The following KIAA1217 variants were observed in gnomAD, a reference collection of about 807,000 sequenced individuals.
KIAA1217 encodes the protein sickle tail protein homolog.
Under a neutral mutation model 163.9 loss-of-function variants are expected in KIAA1217, and 88 were observed. The observed-to-expected ratio is 0.54, with a 90% CI of 0.45 to 0.64. KIAA1217 has a LOEUF of 0.64. Among genes scored for constraint, KIAA1217 ranks in the 30% least tolerant of loss-of-function variants. The probability of loss-of-function intolerance (pLI) is 0.00; values close to 1 mark genes in which losing one functional copy is unlikely to be tolerated. For synonymous variants in KIAA1217, 903 were observed against 923.1 expected, an observed-to-expected ratio of 0.98 and a Z score of 0.39; for missense variants, 2,372 against 2,475.0, an observed-to-expected ratio of 0.96 and a Z score of 0.88.
Position 24,524,326 on chromosome 10 carries a change from T to C in KIAA1217, c.2460T>C (p.His820=). The part of the protein sequence containing the change: ...MTDVLTMLRR[H]VTDGLLKGTD... ...CGCTGTGCATGGTTTCTCCTAGACA[T>C]GTCACTGATGGGCTCCTGAAAGGCA... Residue 820 remains histidine, a synonymous_variant, in exon 13 of 21, where the codon CAT becomes CAC. Coordinates refer to ENST00000376454, the MANE Select transcript of KIAA1217 (RefSeq NM_019590.5). The C allele has an allele frequency of 1.2e-6, 2 of 1,608,408 alleles. No individual in the cohort carries two copies. Among genetic ancestry groups the C allele is most frequent in the Non-Finnish European group, 8.5e-7 (1 of 1,175,326 alleles).
intron 2 of KIAA1217, among the ~76,000 whole-genome samples, chr10:24,261,550 C>G (rs1191784766): frequency 6.6e-6 from 1 of 150,834 alleles, no homozygotes; most frequent in Non-Finnish European, 1.5e-5. Context: ...CTCTTGTACT[C>G]TGATTTTTTC....
chr10:23,974,653 GT>G (rs1845462755), intron 1 of KIAA1217, among the ~76,000 whole-genome samples: 1 of 151,896 alleles, frequency 6.6e-6, no homozygotes, highest in Non-Finnish European at 1.5e-5. Flanking sequence ...GACACCTCGT[GT>G]CTGCAAAAAA....
At chr10:24,436,017 C>T (rs149299158) in intron 4 of KIAA1217, among the ~76,000 whole-genome samples, 2,166 of 151,990 alleles carry the variant, frequency 0.014, 28 homozygotes, top group Non-Finnish European at 0.02. Context: ...TGCGCCACCA[C>T]GCCAGGCTAA....
At chr10:24,276,851 G>A (rs985424536) in intron 2 of KIAA1217, among the ~76,000 whole-genome samples, 5 of 151,616 alleles carry the variant, frequency 3.3e-5, no homozygotes, top group Admixed American at 6.6e-5. Flanking sequence ...CTTGTGATCC[G>A]TCCGCCTCAG....
intron 2 of KIAA1217, among the ~76,000 whole-genome samples, chr10:24,018,299 A>G (rs1847580443): frequency 6.6e-6 from 1 of 152,110 alleles, no homozygotes; most frequent in South Asian, 2.1e-4. Context: ...TAACATGCTC[A>G]AGGAGTTAAA....
At chr10:24,463,271 C>T (rs990196569) in intron 5 of KIAA1217, among the ~76,000 whole-genome samples, 1 of 152,336 alleles carries the variant, frequency 6.6e-6, no homozygotes, top group Non-Finnish European at 1.5e-5. Flanking sequence ...GATCTTTAAT[C>T]ACTGTTGGAC....
In KIAA1217 at chr10:24,239,214, A is replaced by G. The variant is rs572221815; in HGVS notation, c.354+19305A>G. 3 of 985,372 alleles carry G rather than the reference A, an allele frequency of 3.0e-6. No homozygotes were observed. The South Asian group carries it at 1.4e-4, about 46-fold the overall frequency. The allele number at this position is 985,372 out of a possible 1,614,324, so 61.0% of individuals were successfully genotyped here. Reference sequence around the variant, plus strand: ...AACTGCAAAAGAAAACAGCCCAGACATGGAGGGGGGTTTTACCTGACAGCT... The same window carrying G: ...AACTGCAAAAGAAAACAGCCCAGACGTGGAGGGGGGTTTTACCTGACAGCT... On this transcript the variant is annotated intron_variant, in intron 2 of 20. Transcript: ENST00000376454.
rs192541856 is a variant in KIAA1217 at position 23,768,584 on chromosome 10, C to T, written c.-321+73350C>T. Among the ~76,000 whole-genome samples the T allele has an allele frequency of 5.3e-5, 8 of 152,258 alleles. No individual in the cohort carries two copies. In the East Asian group the frequency reaches 9.6e-4, roughly 18 times the overall value. Reference sequence around the variant, plus strand: ...TACCATTCAGGAACAAAGGTATATTCGTGAACTTTTCAATGAGGAAAGTAT... The same window carrying T: ...TACCATTCAGGAACAAAGGTATATTTGTGAACTTTTCAATGAGGAAAGTAT... On this transcript the variant is annotated intron_variant, in intron 1 of 18. Coordinates refer to the KIAA1217 transcript ENST00000376462.
intron 2 of KIAA1217, among the ~76,000 whole-genome samples, chr10:24,059,510 T>TTTTTGATTTGA (rs1225179061): frequency 6.6e-6 from 1 of 152,142 alleles, no homozygotes; most frequent in Non-Finnish European, 1.5e-5. Flanking sequence ...GGTCCTGAGC[T>TTTTTGATTTGA]TTTGTTAAGA....
intron 2 of KIAA1217, among the ~76,000 whole-genome samples, chr10:24,350,987 C>T: frequency 6.6e-6 from 1 of 152,022 alleles, no homozygotes; most frequent in East Asian, 1.9e-4. Context: ...CATTCCGTCA[C>T]CAAGGTTGGA....
intron 2 of KIAA1217, among the ~76,000 whole-genome samples, chr10:24,087,821 C>A (rs2061753127): frequency 6.6e-6 from 1 of 152,210 alleles, no homozygotes; most frequent in Non-Finnish European, 1.5e-5. Context: ...GCATTCTAAT[C>A]AAAGAGTTAG....
intron 2 of KIAA1217, among the ~76,000 whole-genome samples, chr10:24,146,674 C>A (rs1412730140): frequency 6.6e-6 from 1 of 151,828 alleles, no homozygotes; most frequent in Non-Finnish European, 1.5e-5. Flanking sequence ...CACAGAGAGA[C>A]CCTGTCTCAA....
chr10:24,487,268 A>AC (rs2065525343), intron 6 of KIAA1217, among the ~76,000 whole-genome samples: 8 of 152,158 alleles, frequency 5.3e-5, no homozygotes, highest in Admixed American at 5.2e-4. Context: ...GCACAGAGGA[A>AC]CCCCACAGAA....
chr10:24,367,198 G>T (rs867420827), intron 2 of KIAA1217: 34 of 979,784 alleles, frequency 3.5e-5, no homozygotes, highest in Non-Finnish European at 4.1e-5. Context: ...TCGTCTCAGC[G>T]AGTTAGTACT....
At chr10:24,075,644 C>T (rs997264550) in intron 2 of KIAA1217, among the ~76,000 whole-genome samples, 5 of 148,044 alleles carry the variant, frequency 3.4e-5, no homozygotes, top group African/African-American at 1.3e-4. Context: ...TGCTCTGTTG[C>T]CCAGGCTGGA....
chr10:24,478,711 T>A (rs1054544823), intron 6 of KIAA1217, among the ~76,000 whole-genome samples: 1 of 152,218 alleles, frequency 6.6e-6, no homozygotes, highest in Non-Finnish European at 1.5e-5. Flanking sequence ...AGGCTCTGTC[T>A]TCTCTAGGTT....
intron 5 of KIAA1217, among the ~76,000 whole-genome samples, chr10:24,470,779 G>T (rs2063428788): frequency 6.6e-6 from 1 of 152,082 alleles, no homozygotes; most frequent in Non-Finnish European, 1.5e-5. Context: ...CTACATATTA[G>T]CACCTTATTT....
At position 23,771,506 on chromosome 10, in the gene KIAA1217, T is replaced by A. The variant is rs566408909; in HGVS notation, c.-321+76272T>A. ...GGTAAGTCTTGATGCTATTTTGTGA[T>A]GTTTATATTAGATATAGTATCCCTG... On this transcript the variant is annotated intron_variant, in intron 1 of 18. Transcript: ENST00000376462. Among the ~76,000 whole-genome samples the A allele has an allele frequency of 3.3e-5, 5 of 152,370 alleles. No individual in the cohort carries two copies. The Middle Eastern group carries it at 0.01, about 311-fold the overall frequency.
chr10:23,745,337 A>T (rs1165539086), intron 1 of KIAA1217, among the ~76,000 whole-genome samples: 1 of 152,196 alleles, frequency 6.6e-6, no homozygotes, highest in Non-Finnish European at 1.5e-5. Flanking sequence ...ATGACACTCT[A>T]GTTATTTCCA....
Sources: allele counts gnomAD v4.1 joint callset (sites outside exome capture counted in the v4.1 genomes callset), GRCh38; gene constraint gnomAD v4.1.1; transcripts MANE v1.5; gene names NCBI Gene and HGNC (gene_info 2026-07-23, HGNC 2026-07-21).